Variants in IQCM observed in about 807,000 individuals in gnomAD.
IQCM encodes IQ motif containing M, also known as IQ domain-containing protein M.
A neutral mutation model predicts 57.6 loss-of-function variants in IQCM; 45 were observed. The ratio of observed to expected loss-of-function variants is 0.78; its 90% confidence interval spans 0.62 to 1.00. The LOEUF is 1.00. Ranked by LOEUF, IQCM falls within the 50% of genes least tolerant of loss-of-function variation. IQCM has a pLI of 0.00. For missense variants in IQCM, 468 were observed against 511.6 expected (o/e 0.91, Z 0.82); for synonymous variants, 148 against 158.9 (o/e 0.93, Z 0.51).
chr4:149,354,426 T>C (rs1379965042), intron 13 of IQCM, among the ~76,000 whole-genome samples: 1 of 145,342 alleles, frequency 6.9e-6, no homozygotes, highest in Non-Finnish European at 1.5e-5. Context: ...AAAACAATTA[T>C]TAGTTTTCAT....
intron 13 of IQCM, among the ~76,000 whole-genome samples, chr4:149,400,135 T>G (rs907428380): frequency 1.3e-5 from 2 of 151,742 alleles, no homozygotes; most frequent in African/African-American, 4.8e-5. Flanking sequence ...TGATGTCATG[T>G]AACACTATTA....
chr4:149,805,388 T>C (rs1773981027), intron 2 of IQCM, among the ~76,000 whole-genome samples: 1 of 152,068 alleles, frequency 6.6e-6, no homozygotes, highest in Non-Finnish European at 1.5e-5. Flanking sequence ...TCATAATAAA[T>C]GTGTAACTGA....
chr4:149,406,132 A>G (rs1732964993), intron 13 of IQCM, among the ~76,000 whole-genome samples: 1 of 151,928 alleles, frequency 6.6e-6, no homozygotes, highest in Non-Finnish European at 1.5e-5. Flanking sequence ...TATCATTCCC[A>G]TTGAACATAC....
intron 12 of IQCM, among the ~76,000 whole-genome samples, chr4:149,511,376 C>A (rs967469202): frequency 3.5e-4 from 52 of 149,546 alleles, no homozygotes; most frequent in African/African-American, 1.2e-3. Flanking sequence ...AAAAAAAAAA[C>A]AATTAGCCAG....
intron 5 of IQCM, among the ~76,000 whole-genome samples, chr4:149,704,065 TA>T (rs1215489913): frequency 6.6e-6 from 1 of 151,738 alleles, no homozygotes; most frequent in South Asian, 2.1e-4. Flanking sequence ...CTGCTATCAC[TA>T]AAAAAAATTT....
At chr4:149,725,918 T>G (rs1034874256) in intron 5 of IQCM, among the ~76,000 whole-genome samples, 41 of 152,164 alleles carry the variant, frequency 2.7e-4, no homozygotes, top group Admixed American at 2.4e-3. Flanking sequence ...CTTGTTCTAC[T>G]AATCCTATTT....
intron 12 of IQCM, among the ~76,000 whole-genome samples, chr4:149,496,787 A>C (rs965273459): frequency 6.6e-6 from 1 of 152,150 alleles, no homozygotes; most frequent in Non-Finnish European, 1.5e-5. Context: ...TAAGCTCACT[A>C]ATTTGCTCAT....
At chr4:149,617,012 C>A (rs1018838454) in intron 8 of IQCM, among the ~76,000 whole-genome samples, 1 of 149,742 alleles carries the variant, frequency 6.7e-6, no homozygotes, top group African/African-American at 2.5e-5. Flanking sequence ...GGCTGGAGTA[C>A]AATGGTGCAA....
In IQCM at chr4:149,742,673, T is replaced by G. The variant is rs1341875515; in HGVS notation, c.19A>C (p.Met7Leu). The change falls in exon 3 of 14, where the codon ATG (methionine) becomes CTG (leucine). Residue 7 changes from methionine (M) to leucine (L), a missense_variant. Coordinates refer to ENST00000636793, the MANE Select transcript of IQCM (RefSeq NM_001363507.2). Reference sequence around the variant, plus strand: ...TACTCACATTTTGCTTTTTCAGGCATAGCCTCTTCAGTAGTCATGAGGGGC... The same window carrying G: ...TACTCACATTTTGCTTTTTCAGGCAGAGCCTCTTCAGTAGTCATGAGGGGC... MTTEEA[M>L]PEKAKCPTLE... 8.1e-7 allele frequency: 1 copy of G among 1,231,364 alleles called. No individual in the cohort carries two copies. The highest frequency in any genetic ancestry group is 4.1e-5 in the South Asian group (1 of 24,318). The allele number at this position is 1,231,364 out of a possible 1,614,324, so 76.3% of individuals were successfully genotyped here.
At chr4:149,568,670 A>T (rs1435934752) in intron 9 of IQCM, among the ~76,000 whole-genome samples, 1 of 152,088 alleles carries the variant, frequency 6.6e-6, no homozygotes, top group East Asian at 1.9e-4. Context: ...ACATGCTACC[A>T]TGGGAGGCTG....
chr4:149,489,097 C>A (rs987907308), intron 12 of IQCM, among the ~76,000 whole-genome samples: 1 of 152,030 alleles, frequency 6.6e-6, no homozygotes, highest in African/African-American at 2.4e-5. Context: ...AGAGACTGTG[C>A]TATTGAACTA....
chr4:149,737,357 A>G (rs1486884535), intron 3 of IQCM, among the ~76,000 whole-genome samples: 3 of 152,198 alleles, frequency 2.0e-5, no homozygotes, highest in African/African-American at 7.2e-5. Flanking sequence ...GAAAAACTAT[A>G]AAGAAATAAT....
chr4:149,696,032 C>T (rs1053409730), intron 5 of IQCM, among the ~76,000 whole-genome samples: 7 of 152,094 alleles, frequency 4.6e-5, no homozygotes, highest in African/African-American at 1.7e-4. Flanking sequence ...GCACTTGAAA[C>T]GCAAACTTTC....
chr4:149,780,531 T>TTATATATATATATA lies in IQCM; in HGVS notation c.-49+34766_-49+34779dup, dbSNP rs371081838. 3.2e-3 allele frequency among the ~76,000 whole-genome samples: 444 copies of TTATATATATATATA among 138,230 alleles called. 4 individuals are homozygous for TTATATATATATATA. The highest frequency in any genetic ancestry group is 0.01 in the African/African-American group (404 of 39,716). The allele number at this position is 138,230 out of a possible 152,430, so 90.7% of individuals were successfully genotyped here. Reference sequence around the variant, plus strand: ...ATGAAGTAACTTTAAAATATGTAAGTTATATATATATATATAAAACATATT... The same window carrying TTATATATATATATA: ...ATGAAGTAACTTTAAAATATGTAAGTTATATATATATATATATATATATATATATAAAACATATT... On this transcript the variant is annotated intron_variant, in intron 2 of 13. Transcript: ENST00000636793.
chr4:149,620,047 C>G (rs1185335830), intron 8 of IQCM, among the ~76,000 whole-genome samples: 1 of 152,088 alleles, frequency 6.6e-6, no homozygotes, highest in African/African-American at 2.4e-5. Flanking sequence ...ATCCCAGCTA[C>G]TCAGAAGGCT....
intron 8 of IQCM, among the ~76,000 whole-genome samples, chr4:149,590,036 C>G (rs1041883670): frequency 5.3e-5 from 8 of 151,834 alleles, no homozygotes; most frequent in African/African-American, 1.7e-4. Context: ...TTCTTGGCCA[C>G]ACTAACTGAA....
rs1578799263 is a variant in IQCM, at chr4:149,363,317, A to C, written c.1391-11251T>G. Among the ~76,000 whole-genome samples the C allele has an allele frequency of 2.6e-5, 4 of 152,316 alleles. No homozygotes were observed. The South Asian group carries it at 8.3e-4, about 32-fold the overall frequency. On this transcript the variant is annotated intron_variant, in intron 13 of 13. Coordinates refer to ENST00000636793, the MANE Select transcript of IQCM (RefSeq NM_001363507.2). ...GAGCTTCAGAGTGACAGCATCAGAC[A>C]TCACTGCAATGGGGGCAGACTGAAG...
intron 13 of IQCM, among the ~76,000 whole-genome samples, chr4:149,366,280 C>G (rs7698620): frequency 0.18 from 27,569 of 151,738 alleles, 3,005 homozygotes; most frequent in Non-Finnish European, 0.25. Flanking sequence ...CTTGTGAAAA[C>G]CTAGGGTACA....
At chr4:149,431,684 C>G (rs922225593) in intron 13 of IQCM, among the ~76,000 whole-genome samples, 1 of 151,918 alleles carries the variant, frequency 6.6e-6, no homozygotes, top group Non-Finnish European at 1.5e-5. Flanking sequence ...CAGGCCTGAT[C>G]TTTGTTCCCA....
Sources: gnomAD v4.1 joint callset for allele counts (sites outside exome capture counted in the v4.1 genomes callset) on GRCh38, gnomAD v4.1.1 for gene constraint, MANE v1.5 for transcripts, NCBI Gene and HGNC (gene_info 2026-07-23, HGNC 2026-07-21) for gene names.